The following ASTN2 variants were observed in gnomAD, a reference collection of about 807,000 sequenced individuals.
The protein encoded by ASTN2 is astrotactin 2, also known as astrotactin-2.
ASTN2 carries 54 observed loss-of-function variants against 139.8 expected under a neutral mutation model. The ratio of observed to expected loss-of-function variants is 0.39; its 90% confidence interval spans 0.31 to 0.48. The LOEUF (loss-of-function observed/expected upper bound fraction) is 0.48. ASTN2 is among the 20% of genes least tolerant of loss of function. The probability of loss-of-function intolerance (pLI) is 0.95; values close to 1 mark genes in which losing one functional copy is unlikely to be tolerated. For synonymous variants in ASTN2, 756 were observed against 719.5 expected (o/e 1.05, Z -0.81); for missense variants, 1,565 against 1,725.1 (o/e 0.91, Z 1.64).
intron 10 of ASTN2, among the ~76,000 whole-genome samples, chr9:116,934,903 G>A (rs1835023385): frequency 6.6e-6 from 1 of 152,172 alleles, no homozygotes; most frequent in Non-Finnish European, 1.5e-5. Flanking sequence ...TGTAGAAGCA[G>A]GTTTGGTTGC....
At chr9:116,813,573 A>C (rs1007462873) in intron 12 of ASTN2, among the ~76,000 whole-genome samples, 15 of 152,364 alleles carry the variant, frequency 9.8e-5, no homozygotes, top group African/African-American at 3.4e-4. Flanking sequence ...TGAGACTGAC[A>C]GACAAATGGT....
intron 5 of ASTN2, among the ~76,000 whole-genome samples, chr9:117,063,620 T>C (rs909214626): frequency 7.9e-5 from 12 of 152,134 alleles, no homozygotes; most frequent in Non-Finnish European, 4.4e-5. Flanking sequence ...TTATCAGCAG[T>C]GTGAAAACAG....
chr9:116,879,815 G>A (rs7042673), intron 10 of ASTN2, among the ~76,000 whole-genome samples: 132,929 of 152,224 alleles, frequency 0.87, 58,524 homozygotes, highest in Middle Eastern at 0.94. Flanking sequence ...AATCCTAAAA[G>A]TTACTCAAGC....
chr9:116,689,209 A>C (rs1478039626), intron 16 of ASTN2, among the ~76,000 whole-genome samples: 1 of 152,104 alleles, frequency 6.6e-6, no homozygotes, highest in Admixed American at 6.5e-5. Context: ...TCCTAGCTCT[A>C]TCTCTTCCTG....
intron 1 of ASTN2, among the ~76,000 whole-genome samples, chr9:117,338,408 C>A (rs1339542587): frequency 6.6e-6 from 1 of 152,144 alleles, no homozygotes; most frequent in Admixed American, 6.6e-5. Context: ...CCTACAGATC[C>A]TATCCATTTA....
Position 116,437,535 on chromosome 9 carries a change from C to T in ASTN2, c.3782+3074G>A, listed in dbSNP as rs111945364. On this transcript the variant is annotated intron_variant, in intron 22 of 22. Coordinates refer to ENST00000313400, the MANE Select transcript of ASTN2 (RefSeq NM_001365068.1). ...TGGATTGCCTGGCCTCTGTGGGCGG[C>T]CCGGCCGCCTTTCCAGAAGATTTAT... 4.1e-4 allele frequency: 193 copies of T among 471,274 alleles called. 1 individual carries two copies. The highest frequency in any genetic ancestry group is 3.3e-3 in the African/African-American group (166 of 50,166). 29.2% of individuals were successfully genotyped at this position (471,274 alleles called of 1,614,324 possible).
intron 5 of ASTN2, among the ~76,000 whole-genome samples, chr9:117,082,494 T>C (rs1828454537): frequency 6.6e-6 from 1 of 152,214 alleles, no homozygotes; most frequent in South Asian, 2.1e-4. Flanking sequence ...TTCTCTTCTG[T>C]AGAAAGTGTG....
At chr9:116,824,022 T>C (rs1204462279) in intron 11 of ASTN2, among the ~76,000 whole-genome samples, 1 of 152,214 alleles carries the variant, frequency 6.6e-6, no homozygotes, top group Non-Finnish European at 1.5e-5. Context: ...TCCTAAGCCA[T>C]CTGGCACACA....
intron 10 of ASTN2, among the ~76,000 whole-genome samples, chr9:116,907,465 C>A (rs1420961037): frequency 6.6e-6 from 1 of 152,206 alleles, no homozygotes; most frequent in Non-Finnish European, 1.5e-5. Context: ...GGAAAAGCTT[C>A]TGACCTCTGT....
chr9:117,387,606 A>G (rs1009460497), intron 1 of ASTN2, among the ~76,000 whole-genome samples: 2 of 152,312 alleles, frequency 1.3e-5, no homozygotes, highest in East Asian at 1.9e-4. Flanking sequence ...GGAAGATAAG[A>G]TCAGCAGAGA....
chr9:116,998,664 G>T (rs1293896753), intron 7 of ASTN2, among the ~76,000 whole-genome samples: 1 of 152,106 alleles, frequency 6.6e-6, no homozygotes. Context: ...AATAAACAAG[G>T]TGAGCAAAGA....
At chr9:116,484,632 T>C (rs1386391949) in intron 20 of ASTN2, among the ~76,000 whole-genome samples, 1 of 152,188 alleles carries the variant, frequency 6.6e-6, no homozygotes, top group Non-Finnish European at 1.5e-5. Flanking sequence ...CCCTGGTTCC[T>C]GGTCAGAGCG....
Position 117,214,577 on chromosome 9 carries a change from C to T in ASTN2, c.796G>A (p.Glu266Lys), listed in dbSNP as rs775976088. The T allele has an allele frequency of 3.1e-6, 5 of 1,609,132 alleles. No homozygotes were observed. The East Asian group carries it at 6.7e-5, about 22-fold the overall frequency. The change falls in exon 3 of 23, where the codon GAG (glutamate) becomes AAG (lysine). Residue 266 changes from glutamate (E) to lysine (K), a missense_variant. This residue lies in a region of ASTN2 where 596 missense variants were observed against 576.8 expected (regional missense o/e 1.03). Transcript: ENST00000313400. ...TGCAGCCGGGATGAACGGAAGCTCT[C>T]CCGCGCCTGGGGACCCAGCAGCACA... ...PSVLLGPQAR[E>K]SFRSSRLQTH...
At chr9:116,842,381 G>C (rs1453819966) in intron 11 of ASTN2, among the ~76,000 whole-genome samples, 2 of 152,122 alleles carry the variant, frequency 1.3e-5, no homozygotes, top group Admixed American at 6.5e-5. Flanking sequence ...TCATTTTACA[G>C]GCAAGGTTAT....
chr9:116,626,164 T>G (rs1422181400), intron 17 of ASTN2, among the ~76,000 whole-genome samples: 2 of 124,040 alleles, frequency 1.6e-5, no homozygotes, highest in Non-Finnish European at 3.3e-5. Context: ...GTTTTTTTTT[T>G]TTTTTTTTTT....
At chr9:116,526,746 C>T (rs564452868) in intron 19 of ASTN2, among the ~76,000 whole-genome samples, 2 of 152,184 alleles carry the variant, frequency 1.3e-5, no homozygotes, top group Admixed American at 1.3e-4. Context: ...GCATCCCTAG[C>T]AGATTTGTTT....
intron 14 of ASTN2, among the ~76,000 whole-genome samples, chr9:116,729,797 A>C (rs1828729896): frequency 6.6e-6 from 1 of 152,262 alleles, no homozygotes; most frequent in Non-Finnish European, 1.5e-5. Flanking sequence ...GCACAGGCAA[A>C]ACAAAGTTTA....
chr9:117,182,754 C>T (rs1034697868), intron 3 of ASTN2, among the ~76,000 whole-genome samples: 3 of 152,032 alleles, frequency 2.0e-5, no homozygotes, highest in Non-Finnish European at 4.4e-5. Flanking sequence ...TCTTAAAAGC[C>T]ACTTCAGCTT....
chr9:117,413,371 C>G (rs1395372714), intron 1 of ASTN2, among the ~76,000 whole-genome samples: 1 of 152,214 alleles, frequency 6.6e-6, no homozygotes, highest in Non-Finnish European at 1.5e-5. Flanking sequence ...GGAAAAGACC[C>G]GGGGAAGAAG....
Sources: gnomAD v4.1 joint callset for allele counts (sites outside exome capture counted in the v4.1 genomes callset) on GRCh38, gnomAD v4.1.1 for gene constraint, gnomAD v4.1.1 regional missense constraint, MANE v1.5 for transcripts, NCBI Gene and HGNC (gene_info 2026-07-23, HGNC 2026-07-21) for gene names.